FAT3: variants seen among roughly 807,000 people sequenced by gnomAD.
The protein encoded by FAT3 is FAT atypical cadherin 3, also known as protocadherin Fat 3.
A neutral mutation model predicts 310.2 loss-of-function variants in FAT3; 95 were observed. That is an observed-to-expected ratio of 0.31 (90% confidence interval 0.26 to 0.36). FAT3 has a LOEUF of 0.36. Among genes scored for constraint, FAT3 ranks in the 10% least tolerant of loss-of-function variants. FAT3 has a pLI of 1.00. For synonymous variants in FAT3, 2,314 were observed against 2,192.9 expected, an observed-to-expected ratio of 1.06 and a Z score of -1.54; for missense variants, 5,408 against 5,715.6, an observed-to-expected ratio of 0.95 and a Z score of 1.74.
intron 1 of FAT3, among the ~76,000 whole-genome samples, chr11:92,316,013 T>C (rs1947452059): frequency 1.3e-5 from 2 of 152,036 alleles, no homozygotes; most frequent in African/African-American, 4.8e-5. Flanking sequence ...ATCTCTTATA[T>C]ACCATGCAAA....
At position 92,312,905 on chromosome 11, in the gene FAT3, CG is replaced by C. The variant is rs375579573; in HGVS notation, c.-17-39188del. On this transcript the variant is annotated intron_variant, in intron 1 of 27. Coordinates refer to ENST00000525166, the MANE Select transcript of FAT3 (RefSeq NM_001367949.2). ...ATTTGTTAGTTTCCCTGAAGCTATA[CG>C]GGCAAATTCTGGGGAAAACAAAACA... 1.3e-4 allele frequency among the ~76,000 whole-genome samples: 20 copies of C among 152,208 alleles called. No individual in the cohort carries two copies. In the East Asian group the frequency reaches 3.9e-3, roughly 29 times the overall value.
chr11:92,729,572 G>T (rs1008993891), intron 4 of FAT3, among the ~76,000 whole-genome samples: 1 of 151,912 alleles, frequency 6.6e-6, no homozygotes, highest in Non-Finnish European at 1.5e-5. Context: ...GATTACAGGA[G>T]CGTGCCCCCG....
chr11:92,683,124 G>T (rs1453067701), intron 3 of FAT3, among the ~76,000 whole-genome samples: 1 of 147,812 alleles, frequency 6.8e-6, no homozygotes, highest in Admixed American at 6.7e-5. Context: ...TTTCCTGCCT[G>T]TTTTATTGTG....
At chr11:92,879,847 G>A (rs1352656397) in intron 22 of FAT3, among the ~76,000 whole-genome samples, 4 of 152,174 alleles carry the variant, frequency 2.6e-5, no homozygotes, top group African/African-American at 9.7e-5. Context: ...TGCTTCGGAG[G>A]AAGTGTAAAT....
Position 92,892,024 on chromosome 11 carries a change from A to G in FAT3, c.*911A>G, listed in dbSNP as rs1660854994. The G allele has an allele frequency of 6.6e-6, 1 of 152,118 alleles. No individual in the cohort carries two copies. Among genetic ancestry groups the G allele is most frequent in the African/African-American group, 2.4e-5 (1 of 41,434 alleles). 9.4% of individuals were successfully genotyped at this position (152,118 alleles called of 1,614,324 possible). The stretch of plus-strand genomic sequence containing the variant: ...AAATTCAGGGGGGAAAAAAGAAAAA[A>G]CGATACCTTCAAAGTTTGCGGCCTA... On this transcript the variant is annotated 3_prime_UTR_variant, in exon 28 of 28. Transcript: ENST00000525166.
chr11:92,365,051 G>A (rs1948981673), intron 2 of FAT3, among the ~76,000 whole-genome samples: 1 of 152,154 alleles, frequency 6.6e-6, no homozygotes, highest in South Asian at 2.1e-4. Context: ...CTTGATTCCA[G>A]GAGTTCATGA....
At chr11:92,466,681 A>C (rs1489253352) in intron 2 of FAT3, among the ~76,000 whole-genome samples, 1 of 149,650 alleles carries the variant, frequency 6.7e-6, no homozygotes, top group East Asian at 2.0e-4. Flanking sequence ...TGCTGCACCC[A>C]TTAACTCGTC....
At chr11:92,737,151 A>C (rs886593646) in intron 4 of FAT3, among the ~76,000 whole-genome samples, 7 of 152,180 alleles carry the variant, frequency 4.6e-5, no homozygotes, top group Non-Finnish European at 1.0e-4. Flanking sequence ...TCACAATTCA[A>C]AATGTTTGGA....
At chr11:92,802,091 C>A (rs1947376741) in intron 10 of FAT3, among the ~76,000 whole-genome samples, 182 bp downstream of exon 10, 1 of 152,142 alleles carries the variant, frequency 6.6e-6, no homozygotes, top group South Asian at 2.1e-4. Context: ...CTGTTGCTAA[C>A]TCAGCCTTAG....
At chr11:92,618,828 T>TA (rs1820358630) in intron 3 of FAT3, among the ~76,000 whole-genome samples, 1 of 152,170 alleles carries the variant, frequency 6.6e-6, no homozygotes, top group Admixed American at 6.5e-5. Context: ...AACTTGATTT[T>TA]TTTTTTCTTT....
At chr11:92,664,154 A>G (rs1421863232) in intron 3 of FAT3, among the ~76,000 whole-genome samples, 1 of 152,000 alleles carries the variant, frequency 6.6e-6, no homozygotes, top group Admixed American at 6.6e-5. Context: ...GCAAACTCCT[A>G]CTCACCCTCA....
chr11:92,739,341 TG>T (rs1215472191), intron 4 of FAT3, among the ~76,000 whole-genome samples: 5 of 140,830 alleles, frequency 3.6e-5, no homozygotes, highest in Non-Finnish European at 7.6e-5. Context: ...TGAGCCTGCA[TG>T]TTATGGTAAT....
intron 4 of FAT3, among the ~76,000 whole-genome samples, chr11:92,734,463 T>A (rs1945280316): frequency 6.6e-6 from 1 of 152,166 alleles, no homozygotes; most frequent in Non-Finnish European, 1.5e-5. Context: ...GGCAGTAGGA[T>A]TTTTTAAAAT....
At chr11:92,732,991 A>G (rs559459790) in intron 4 of FAT3, among the ~76,000 whole-genome samples, 1 of 152,334 alleles carries the variant, frequency 6.6e-6, no homozygotes, top group East Asian at 1.9e-4. Flanking sequence ...AGACCCAGGA[A>G]AAAACTTCAC....
intron 4 of FAT3, among the ~76,000 whole-genome samples, chr11:92,760,432 C>G (rs557184570): frequency 2.0e-5 from 3 of 152,146 alleles, no homozygotes; most frequent in African/African-American, 7.2e-5. Context: ...TTGTTTTTCT[C>G]CTATTGATGT....
chr11:92,333,396 A>C (rs1947969324), intron 1 of FAT3, among the ~76,000 whole-genome samples: 1 of 152,184 alleles, frequency 6.6e-6, no homozygotes, highest in South Asian at 2.1e-4. Flanking sequence ...GGAATCATTG[A>C]AATTCTAGTA....
chr11:92,268,576 C>T (rs1475220713), intron 1 of FAT3, among the ~76,000 whole-genome samples: 2 of 151,722 alleles, frequency 1.3e-5, no homozygotes, highest in South Asian at 2.1e-4. Context: ...TGGTTCCTTG[C>T]GTAGATAGAA....
chr11:92,703,583 C>T (rs1944168663), intron 4 of FAT3, among the ~76,000 whole-genome samples: 1 of 152,318 alleles, frequency 6.6e-6, no homozygotes, highest in South Asian at 2.1e-4. Flanking sequence ...ACAATTAATG[C>T]CCTGTGACAC....
intron 10 of FAT3, 101 bp from the exon 11 acceptor site, chr11:92,805,052 A>T: frequency 1.7e-6 from 2 of 1,156,490 alleles, no homozygotes; most frequent in Non-Finnish European, 2.4e-6. Flanking sequence ...GATACAGTTT[A>T]AGGAGTACCT....
Sources: allele counts gnomAD v4.1 joint callset (sites outside exome capture counted in the v4.1 genomes callset), GRCh38; gene constraint gnomAD v4.1.1; transcripts MANE v1.5; gene names NCBI Gene and HGNC (gene_info 2026-07-23, HGNC 2026-07-21).